The following ITPR3 variants were observed in gnomAD, a reference collection of about 807,000 sequenced individuals.
ITPR3 encodes inositol 1,4,5-trisphosphate-gated calcium channel ITPR3.
ITPR3 carries 173 observed loss-of-function variants against 293.2 expected under a neutral mutation model. The ratio of observed to expected loss-of-function variants is 0.59; its 90% CI spans 0.52 to 0.67. The LOEUF (loss-of-function observed/expected upper bound fraction) is 0.67. ITPR3 is among the 30% of genes least tolerant of loss of function. ITPR3 has a pLI of 0.00. For missense variants in ITPR3, 2,796 were observed against 3,592.1 expected (o/e 0.78, Z 5.66); for synonymous variants, 1,295 against 1,444.4 (o/e 0.90, Z 2.35).
rs1765178793 is a variant in ITPR3 at position 33,684,751 on chromosome 6, CCT to C, written c.5138-21_5138-20del. Reference sequence around the variant, plus strand: ...CCACTCTCCTGTCACACCAGCTCTCCCTCAACCGAGTCCCGCCTCCAGGCCTG... The same window carrying C: ...CCACTCTCCTGTCACACCAGCTCTCCCAACCGAGTCCCGCCTCCAGGCCTG... On this transcript the variant is annotated intron_variant, in intron 38 of 57. Transcript: ENST00000605930. The surrounding 1 kb of genome is among the most constrained non-coding windows in gnomAD (Gnocchi z 4.2). The C allele has an allele frequency of 6.2e-7, 1 of 1,610,056 alleles. No individual in the cohort carries two copies. Among genetic ancestry groups the C allele is most frequent in the East Asian group, 2.2e-5 (1 of 44,796 alleles).
Position 33,687,506 on chromosome 6 carries a change from A to G in ITPR3, c.6206A>G (p.His2069Arg), listed in dbSNP as rs1459735499. 6.2e-7 allele frequency: 1 copy of G among 1,607,796 alleles called. No homozygotes were observed. The change falls in exon 46 of 58, where the codon CAC (histidine) becomes CGC (arginine). Residue 2069 changes from histidine to arginine, a missense_variant. By Grantham distance (29) the His-to-Arg change is conservative. Coordinates refer to ENST00000605930, the MANE Select transcript of ITPR3 (RefSeq NM_002224.4). This position sits in a 1 kb window ranked among gnomAD's most constrained non-coding sequence, Gnocchi z 5.3. ...QLSRHNKQLQ[H>R]LLKPVKRIQE... is the part of the protein sequence containing the mutation. ...TCCAGGCACAATAAACAGCTGCAGC[A>G]CCTGCTGAAGCCGGTGAAGCGCATT...
intron 2 of ITPR3, among the ~76,000 whole-genome samples, chr6:33,643,445 T>A: frequency 6.6e-6 from 1 of 152,202 alleles, no homozygotes; most frequent in East Asian, 1.9e-4. Context: ...AGGGAATTAT[T>A]TCCAGAGCTG....
Position 33,687,197 on chromosome 6 carries a change from G to A in ITPR3, c.6076-29G>A, listed in dbSNP as rs775803044. The A allele has an allele frequency of 7.7e-5, 123 of 1,598,600 alleles. No individual in the cohort carries two copies. The highest frequency in any genetic ancestry group is 1.0e-4 in the Non-Finnish European group (119 of 1,166,432). ...GGCTGGCCCTACCGCCCTAGGAAGA[G>A]AGCATTGGAACAGGCACTGCCCCTC... On this transcript the variant is annotated intron_variant, in intron 44 of 57. Coordinates refer to ENST00000605930, the MANE Select transcript of ITPR3 (RefSeq NM_002224.4). This position sits in a 1 kb window ranked among gnomAD's most constrained non-coding sequence, Gnocchi z 5.3.
At position 33,684,728 on chromosome 6, in the gene ITPR3, A is replaced by G. The variant is rs781774252; in HGVS notation, c.5137+40A>G. On this transcript the variant is annotated intron_variant, in intron 38 of 57. Coordinates refer to ENST00000605930, the MANE Select transcript of ITPR3 (RefSeq NM_002224.4). The surrounding 1 kb of genome is among the most constrained non-coding windows in gnomAD (Gnocchi z 4.2). ...CCCCTGCCCCCGGGCCCTCCCTTCC[A>G]CTCTCCTGTCACACCAGCTCTCCCT... 2 of 1,607,980 alleles carry G rather than the reference A, an allele frequency of 1.2e-6. No homozygotes were observed. The highest frequency in any genetic ancestry group is 2.7e-5 in the African/African-American group (2 of 74,278).
intron 2 of ITPR3, among the ~76,000 whole-genome samples, chr6:33,646,021 A>G (rs997895743): frequency 4.6e-5 from 7 of 152,128 alleles, no homozygotes; most frequent in South Asian, 4.1e-4. Context: ...TATTTTTAGT[A>G]GAGACAGAGT....
At chr6:33,643,093 C>T (rs1763985918) in intron 2 of ITPR3, among the ~76,000 whole-genome samples, 1 of 152,254 alleles carries the variant, frequency 6.6e-6, no homozygotes, top group South Asian at 2.1e-4. Context: ...AGCCAGGAGT[C>T]CTGGCTTTCA....
In ITPR3 at chr6:33,689,325, T is replaced by C. The variant is rs770732321; in HGVS notation, c.6782T>C (p.Ile2261Thr). Residue 2261 changes from isoleucine to threonine, a missense_variant, in exon 50 of 58, where the codon ATC becomes ACC. Coordinates refer to ENST00000605930, the MANE Select transcript of ITPR3 (RefSeq NM_002224.4). ...IAALFTKRYS[I>T]RPLIVALILR... The stretch of plus-strand genomic sequence containing the variant: ...GCCCTGTTCACCAAGCGCTACAGCA[T>C]CCGCCCCCTCATCGTGGCGCTCATC... 6.2e-7 allele frequency: 1 copy of C among 1,612,858 alleles called. No individual in the cohort carries two copies. The highest frequency in any genetic ancestry group is 8.5e-7 in the Non-Finnish European group (1 of 1,180,016).
chr6:33,676,405 G>A (rs1764907436), intron 25 of ITPR3, among the ~76,000 whole-genome samples: 1 of 152,226 alleles, frequency 6.6e-6, no homozygotes, highest in Non-Finnish European at 1.5e-5. Flanking sequence ...GTGGCAGTCA[G>A]ACGCAGGCCT....
At chr6:33,676,365 T>G (rs1361768994) in intron 25 of ITPR3, among the ~76,000 whole-genome samples, 2 of 152,196 alleles carry the variant, frequency 1.3e-5, no homozygotes. Flanking sequence ...GGAGCTTTCC[T>G]CCATTGCCCA....
chr6:33,650,585 T>A (rs1379260985), intron 2 of ITPR3, among the ~76,000 whole-genome samples: 1 of 152,200 alleles, frequency 6.6e-6, no homozygotes, highest in Non-Finnish European at 1.5e-5. Context: ...ATGGATAGGG[T>A]AGAATTGGAA....
chr6:33,652,289 T>C (rs1764209935), intron 2 of ITPR3, among the ~76,000 whole-genome samples: 1 of 152,070 alleles, frequency 6.6e-6, no homozygotes. Flanking sequence ...GGAAGTAATT[T>C]CTGGGTTGAT....
chr6:33,676,676 G>A (rs1764915458), intron 25 of ITPR3, 92 bp from the exon 26 acceptor site: 2 of 1,479,068 alleles, frequency 1.4e-6, no homozygotes, highest in Admixed American at 3.6e-5. Flanking sequence ...GTCTACAGGA[G>A]GGGAACCCTA....
At chr6:33,688,459 G>GGGGGGCCC in intron 48 of ITPR3, 28 bp downstream of exon 48, 1 of 440,070 alleles carries the variant, frequency 2.3e-6, no homozygotes, top group Non-Finnish European at 4.4e-6. Context: ...GGAGGGTGGG[G>GGGGGGCCC]CGGTCTGGAG....
chr6:33,694,709 C>T, intron 56 of ITPR3: 2 of 584,882 alleles, frequency 3.4e-6, no homozygotes, highest in Admixed American at 3.1e-5. Flanking sequence ...GGAAGTCAGC[C>T]TGTCTCGGTG....
chr6:33,690,799 G>A (rs1259973727), intron 51 of ITPR3, 118 bp from the exon 52 acceptor site: 6 of 901,804 alleles, frequency 6.7e-6, no homozygotes, highest in Non-Finnish European at 8.6e-6. Flanking sequence ...CCTCCCTGGA[G>A]GAGCCTTGGG....
intron 2 of ITPR3, among the ~76,000 whole-genome samples, chr6:33,640,974 C>A (rs1418151707): frequency 1.3e-5 from 2 of 152,286 alleles, no homozygotes; most frequent in Non-Finnish European, 2.9e-5. Context: ...AGATTTGGAC[C>A]CCATGGTTTC....
In ITPR3 at chr6:33,663,556, G is replaced by A; in HGVS notation, c.1005+6G>A. 6.2e-7 allele frequency: 1 copy of A among 1,604,328 alleles called. No homozygotes were observed. Among genetic ancestry groups the A allele is most frequent in the Non-Finnish European group, 8.5e-7 (1 of 1,175,058 alleles). On this transcript the variant is annotated splice_donor_region_variant and intron_variant, in intron 10 of 57. Coordinates refer to ENST00000605930, the MANE Select transcript of ITPR3 (RefSeq NM_002224.4). ...ATCCCAAGGCAGCAGGAATGGTGAG[G>A]AGCAAAGCAGGTCTCCAGTGAGACC...
chr6:33,661,320 C>G (rs1408470852), intron 7 of ITPR3, among the ~76,000 whole-genome samples: 1 of 152,196 alleles, frequency 6.6e-6, no homozygotes, highest in Non-Finnish European at 1.5e-5. Context: ...TGTGTGCCTG[C>G]TGGGCGGCAG....
chr6:33,674,033 C>T lies in ITPR3; in HGVS notation c.3059-175C>T, dbSNP rs757444925. Among the ~76,000 whole-genome samples the T allele has an allele frequency of 2.9e-4, 44 of 152,120 alleles. 1 individual carries two copies. The highest frequency in any genetic ancestry group is 5.9e-4 in the Non-Finnish European group (40 of 68,014). ...TCTCTGCCCCCTTTGTACTGCCCTG[C>T]AGGGGAGTAGGGGGCTGTGGCTCCT... On this transcript the variant is annotated intron_variant, in intron 23 of 57. Coordinates refer to ENST00000605930, the MANE Select transcript of ITPR3 (RefSeq NM_002224.4).
Sources: gnomAD v4.1 joint callset for allele counts (sites outside exome capture counted in the v4.1 genomes callset) on GRCh38, gnomAD v4.1.1 for gene constraint, Gnocchi (gnomAD v3.1) non-coding constraint, MANE v1.5 for transcripts, NCBI Gene and HGNC (gene_info 2026-07-23, HGNC 2026-07-21) for gene names.